Variants in SH3PXD2B observed in about 807,000 individuals in gnomAD.
SH3PXD2B encodes SH3 and PX domains 2B.
SH3PXD2B carries 37 observed loss-of-function variants against 73.1 expected under a neutral mutation model. That is an observed-to-expected ratio of 0.51 (90% CI 0.39 to 0.67). The LOEUF (loss-of-function observed/expected upper bound fraction) is 0.67. SH3PXD2B is among the 30% of genes least tolerant of loss of function. SH3PXD2B has a pLI of 0.00. For synonymous variants in SH3PXD2B, 457 were observed against 480.5 expected (o/e 0.95, Z 0.64); for missense variants, 1,053 against 1,197.8 (o/e 0.88, Z 1.78).
chr5:172,440,161 G>T (rs559275271), intron 1 of SH3PXD2B, among the ~76,000 whole-genome samples: 79 of 152,336 alleles, frequency 5.2e-4, no homozygotes, highest in African/African-American at 1.8e-3. Context: ...GGCCTCTCTC[G>T]TGTTGACAGA....
intron 5 of SH3PXD2B, among the ~76,000 whole-genome samples, chr5:172,377,340 A>G (rs928962356): frequency 3.3e-5 from 5 of 152,158 alleles, no homozygotes; most frequent in Non-Finnish European, 5.9e-5. Context: ...ATCCTGACCA[A>G]CAGACCAACC....
At chr5:172,390,815 T>TGTG (rs1758168687) in intron 4 of SH3PXD2B, among the ~76,000 whole-genome samples, 244 of 139,990 alleles carry the variant, frequency 1.7e-3, no homozygotes, top group Non-Finnish European at 2.4e-3. Flanking sequence ...TTCCCGTCTT[T>TGTG]TGTGTGTGTG....
At chr5:172,325,692 A>T (rs1756434353) in intron 12 of SH3PXD2B, among the ~76,000 whole-genome samples, 1 of 152,182 alleles carries the variant, frequency 6.6e-6, no homozygotes. Context: ...CCCCTTTACG[A>T]GGGCAACTAA....
chr5:172,362,720 G>C lies in SH3PXD2B; in HGVS notation c.562+15C>G. The C allele has an allele frequency of 6.2e-7, 1 of 1,613,990 alleles. No homozygotes were observed. ...TGGCAGGGTAGTGGGAGAGGGAGAT[G>C]GTCTAGGTCCCCACCTGACTCATTC... On this transcript the variant is annotated intron_variant, in intron 7 of 12. Coordinates refer to ENST00000311601, the MANE Select transcript of SH3PXD2B (RefSeq NM_001017995.3).
chr5:172,450,475 T>C (rs536960060), intron 1 of SH3PXD2B, among the ~76,000 whole-genome samples: 1 of 152,316 alleles, frequency 6.6e-6, no homozygotes, highest in South Asian at 2.1e-4. Context: ...TATGTATCTA[T>C]ATATGTGCAG....
chr5:172,364,810 T>C (rs1236025692), intron 6 of SH3PXD2B, among the ~76,000 whole-genome samples: 1 of 152,112 alleles, frequency 6.6e-6, no homozygotes, highest in Non-Finnish European at 1.5e-5. Flanking sequence ...AGCTCGAAAT[T>C]GGCCATGGTG....
intron 1 of SH3PXD2B, among the ~76,000 whole-genome samples, chr5:172,424,050 T>TG (rs1276006919): frequency 3.3e-5 from 5 of 151,378 alleles, no homozygotes; most frequent in African/African-American, 4.9e-5. Flanking sequence ...TCACTGGGGG[T>TG]GGGGGGGAGC....
chr5:172,399,140 T>C (rs1758373568), intron 3 of SH3PXD2B, among the ~76,000 whole-genome samples: 1 of 152,238 alleles, frequency 6.6e-6, no homozygotes, highest in African/African-American at 2.4e-5. Flanking sequence ...TTCCATACTA[T>C]GGCAAATTCA....
At chr5:172,395,354 C>T (rs74902489) in intron 3 of SH3PXD2B, among the ~76,000 whole-genome samples, 14,094 of 152,262 alleles carry the variant, frequency 0.093, 819 homozygotes, top group South Asian at 0.23. Context: ...ACAGATCCTT[C>T]CAGTTCCTTC....
chr5:172,454,042 G>T (rs888059025), intron 1 of SH3PXD2B, among the ~76,000 whole-genome samples: 6 of 151,570 alleles, frequency 4.0e-5, no homozygotes, highest in Admixed American at 2.0e-4. Context: ...AGGCGAGTAG[G>T]GGGGCGAGGC....
chr5:172,333,263 G>A (rs1756600711), downstream of SH3PXD2B, among the ~76,000 whole-genome samples: 3 of 152,072 alleles, frequency 2.0e-5, no homozygotes, highest in Non-Finnish European at 2.9e-5. Context: ...ACCATCAGGA[G>A]GCAATGCCGG....
At chr5:172,358,489 G>A (rs893291186) in intron 8 of SH3PXD2B, among the ~76,000 whole-genome samples, 3 of 152,196 alleles carry the variant, frequency 2.0e-5, no homozygotes, top group African/African-American at 2.4e-5. Flanking sequence ...TGTTTTTGGC[G>A]ATCAGGCTGG....
At chr5:172,359,928 G>C (rs1377116852) in intron 7 of SH3PXD2B, among the ~76,000 whole-genome samples, 1 of 152,172 alleles carries the variant, frequency 6.6e-6, no homozygotes, top group Non-Finnish European at 1.5e-5. Flanking sequence ...ACAGAGAGGT[G>C]CAACATTGCT....
At chr5:172,398,330 C>CTGATTT (rs1758352390) in intron 3 of SH3PXD2B, among the ~76,000 whole-genome samples, 2 of 152,092 alleles carry the variant, frequency 1.3e-5, no homozygotes, top group Admixed American at 1.3e-4. Flanking sequence ...TTTACTGTAC[C>CTGATTT]ATCTATCAAT....
chr5:172,424,034 C>T (rs1302540079), intron 1 of SH3PXD2B, among the ~76,000 whole-genome samples: 1 of 151,084 alleles, frequency 6.6e-6, no homozygotes, highest in African/African-American at 2.5e-5. Context: ...TGGGGGCTAC[C>T]CATCCTCACT....
At chr5:172,427,466 C>A (rs1431078564) in intron 1 of SH3PXD2B, among the ~76,000 whole-genome samples, 2 of 152,190 alleles carry the variant, frequency 1.3e-5, no homozygotes, top group Non-Finnish European at 2.9e-5. Flanking sequence ...CCACCTCAGC[C>A]TCCGAAGTAG....
chr5:172,368,676 A>T lies in SH3PXD2B; in HGVS notation c.427+5114T>A, dbSNP rs574868246. 2.9e-4 allele frequency among the ~76,000 whole-genome samples: 9 copies of T among 31,156 alleles called. 2 individuals carry two copies. The highest frequency in any genetic ancestry group is 9.0e-4 in the African/African-American group (4 of 4,434). 20.4% of individuals were successfully genotyped at this position (31,156 alleles called of 152,430 possible). On this transcript the variant is annotated intron_variant, in intron 6 of 12. Coordinates refer to ENST00000311601, the MANE Select transcript of SH3PXD2B (RefSeq NM_001017995.3). ...AAATATATATATTATATATATATAA[A>T]ATATATATGTTATATATATAAAATA... is the stretch of plus-strand genomic sequence containing the variant.
downstream of SH3PXD2B, among the ~76,000 whole-genome samples, chr5:172,330,445 G>T (rs1324570042): frequency 3.3e-5 from 5 of 152,176 alleles, no homozygotes; most frequent in African/African-American, 9.7e-5. Context: ...TACATGAAAC[G>T]TTGCCCCTGA....
At chr5:172,432,709 G>A (rs1034306845) in intron 1 of SH3PXD2B, among the ~76,000 whole-genome samples, 1 of 152,128 alleles carries the variant, frequency 6.6e-6, no homozygotes, top group Non-Finnish European at 1.5e-5. Flanking sequence ...CTGAGGTTAG[G>A]AGTTCAAGAC....
Sources: gnomAD v4.1 joint callset for allele counts (sites outside exome capture counted in the v4.1 genomes callset) on GRCh38, gnomAD v4.1.1 for gene constraint, MANE v1.5 for transcripts, NCBI Gene and HGNC (gene_info 2026-07-23, HGNC 2026-07-21) for gene names.